SLC67A2: variants seen among roughly 807,000 people sequenced by gnomAD.
SLC67A2 encodes solute carrier family 67 member 2.
chr2:102,718,263 T>TGCATGGCC, the SLC67A2 span: 1 of 802,776 alleles, frequency 1.2e-6, no homozygotes, highest in Admixed American at 2.6e-5. Flanking sequence ...CAGGCATGGC[T>TGCATGGCC]GCATGGCCAA....
At chr2:102,728,047 T>A in the SLC67A2 span, among the ~76,000 whole-genome samples, 5 of 151,932 alleles carry the variant, frequency 3.3e-5, no homozygotes, top group African/African-American at 1.2e-4. Flanking sequence ...TCTATGCAAG[T>A]AAGGATGTTG....
At chr2:102,718,826 C>T in the SLC67A2 span, 1 of 1,613,890 alleles carries the variant, frequency 6.2e-7, no homozygotes, top group East Asian at 2.2e-5. Flanking sequence ...TAGGATTGGC[C>T]CCAGGGCAAG....
chr2:102,734,677 AC>A, the SLC67A2 span, among the ~76,000 whole-genome samples: 1 of 151,878 alleles, frequency 6.6e-6, no homozygotes, highest in African/African-American at 2.4e-5. Flanking sequence ...AAAAATCCCT[AC>A]TCTTTCAACT....
At chr2:102,729,969 T>C in the SLC67A2 span, among the ~76,000 whole-genome samples, 1 of 152,206 alleles carries the variant, frequency 6.6e-6, no homozygotes, top group Non-Finnish European at 1.5e-5. Flanking sequence ...ACACTTTGTG[T>C]TCATTAAATA....
chr2:102,726,601 G>GCTCGCGCACGC, the SLC67A2 span, among the ~76,000 whole-genome samples: 777 of 151,908 alleles, frequency 5.1e-3, 10 homozygotes, highest in African/African-American at 0.018. Flanking sequence ...TATAGACATA[G>GCTCGCGCACGC]ACACACACAC....
the SLC67A2 span, among the ~76,000 whole-genome samples, chr2:102,730,058 G>A: frequency 6.6e-6 from 1 of 152,152 alleles, no homozygotes; most frequent in Non-Finnish European, 1.5e-5. Flanking sequence ...CTACTGAACC[G>A]CCTGAACCAC....
At chr2:102,718,556 G>C in the SLC67A2 span, 4 of 1,612,852 alleles carry the variant, frequency 2.5e-6, no homozygotes, top group Non-Finnish European at 3.4e-6. Flanking sequence ...GGCAACCCCC[G>C]AGAGGAGAGG....
chr2:102,732,046 C>A, the SLC67A2 span: 3 of 572,676 alleles, frequency 5.2e-6, no homozygotes, highest in African/African-American at 5.6e-5. Flanking sequence ...ACAGCCAGCT[C>A]CTTGCAGAGG....
chr2:102,726,733 A>G, the SLC67A2 span: 1 of 1,435,562 alleles, frequency 7.0e-7, no homozygotes, highest in East Asian at 2.3e-5. Context: ...TTAAGCAAGT[A>G]AGGATGTTGA....
chr2:102,724,022 G>T, the SLC67A2 span: 1 of 900,268 alleles, frequency 1.1e-6, no homozygotes, highest in Middle Eastern at 3.3e-4. Context: ...TGGTTTCTTT[G>T]GAAGGCAGCT....
the SLC67A2 span, chr2:102,731,036 T>TA: frequency 6.2e-7 from 1 of 1,613,880 alleles, no homozygotes; most frequent in Admixed American, 1.7e-5. Flanking sequence ...ACCAATGTGC[T>TA]AGAAAAGAGT....
chr2:102,716,373 G>C, the SLC67A2 span: 1 of 152,250 alleles, frequency 6.6e-6, no homozygotes, highest in Admixed American at 6.5e-5. Flanking sequence ...CTATTTCATT[G>C]CATAAACCCT....
At chr2:102,735,141 T>C in the SLC67A2 span, among the ~76,000 whole-genome samples, 1 of 152,078 alleles carries the variant, frequency 6.6e-6, no homozygotes, top group South Asian at 2.1e-4. Context: ...AGAAGAAGCA[T>C]CCCCATGCTG....
the SLC67A2 span, chr2:102,716,233 G>A: frequency 6.6e-6 from 1 of 152,130 alleles, no homozygotes; most frequent in Non-Finnish European, 1.5e-5. Flanking sequence ...TTAAGTTTAT[G>A]GGCTTTTTAA....
At chr2:102,733,668 A>T in the SLC67A2 span, among the ~76,000 whole-genome samples, 3 of 152,136 alleles carry the variant, frequency 2.0e-5, no homozygotes, top group Middle Eastern at 3.2e-3. Flanking sequence ...TACACATTTA[A>T]AAGACTCAAA....
At chr2:102,723,409 C>T in the SLC67A2 span, among the ~76,000 whole-genome samples, 2 of 151,980 alleles carry the variant, frequency 1.3e-5, no homozygotes, top group African/African-American at 2.4e-5. Context: ...GGGGAGGTTG[C>T]GGTGAGCTGA....
the SLC67A2 span, among the ~76,000 whole-genome samples, chr2:102,721,759 C>T: frequency 6.6e-6 from 1 of 152,070 alleles, no homozygotes; most frequent in Non-Finnish European, 1.5e-5. Flanking sequence ...GGCTGGAATG[C>T]CGTGGTGTGA....
At chr2:102,730,581 C>T in the SLC67A2 span, among the ~76,000 whole-genome samples, 6 of 148,920 alleles carry the variant, frequency 4.0e-5, no homozygotes, top group Non-Finnish European at 7.4e-5. Context: ...CTCGCTCTGT[C>T]GTCCAGGCTG....
the SLC67A2 span, among the ~76,000 whole-genome samples, chr2:102,722,556 T>C: frequency 3.9e-5 from 6 of 152,188 alleles, no homozygotes; most frequent in Non-Finnish European, 7.3e-5. Flanking sequence ...GCAACTAAAA[T>C]ATGTATCATG....
Sources: allele counts gnomAD v4.1 joint callset (sites outside exome capture counted in the v4.1 genomes callset), GRCh38; gene constraint gnomAD v4.1.1; transcripts MANE v1.5; gene names NCBI Gene and HGNC (gene_info 2026-07-23, HGNC 2026-07-21).